The following DNAH2 variants were observed in gnomAD, a reference collection of about 807,000 sequenced individuals.
DNAH2 encodes the protein dynein axonemal heavy chain 2, also known as axonemal beta dynein heavy chain 2.
Under a neutral mutation model 523.5 loss-of-function variants are expected in DNAH2, and 323 were observed. That is an observed-to-expected ratio of 0.62 (90% CI 0.56 to 0.68). The LOEUF (loss-of-function observed/expected upper bound fraction) is 0.68, where lower values mean the gene tolerates loss of function less well. Ranked by LOEUF, DNAH2 falls within the 30% of genes least tolerant of loss-of-function variation. DNAH2 has a pLI of 0.00. For missense variants in DNAH2, 4,907 were observed against 5,701.5 expected (o/e 0.86, Z 4.49); for synonymous variants, 2,093 against 2,177.4 (o/e 0.96, Z 1.08).
rs963331480 is a variant in DNAH2, at chr17:7,827,629, A to G, written c.11854-2671A>G. 5.9e-5 allele frequency among the ~76,000 whole-genome samples: 9 copies of G among 151,958 alleles called. 1 individual carries two copies. The highest frequency in any genetic ancestry group is 2.2e-4 in the African/African-American group (9 of 41,260). On this transcript the variant is annotated intron_variant, in intron 77 of 85. Transcript: ENST00000572933. ...CCCAGCTAATTTTGTTATTTTTTGT[A>G]GAGACGGGGTTTCACCATGTTGACC...
chr17:7,750,288 G>C (rs1481398402), intron 12 of DNAH2, among the ~76,000 whole-genome samples: 1 of 152,122 alleles, frequency 6.6e-6, no homozygotes, highest in African/African-American at 2.4e-5. Flanking sequence ...GACATACTGG[G>C]TATTGGTTTC....
Position 7,823,371 on chromosome 17 carries a change from G to GAGAGA in DNAH2, c.11143-71_11143-70insAGAGA. 8 of 1,438,222 alleles carry GAGAGA rather than the reference G, an allele frequency of 5.6e-6. No individual in the cohort carries two copies. In the African/African-American group the frequency reaches 5.8e-5, roughly 10 times the overall value. The allele number at this position is 1,438,222 out of a possible 1,614,324, so 89.1% of individuals were successfully genotyped here. ...ACAGAGAGAGAGAGAGAGAGAGAGAGGAGAAAAAGATCACTCTTCTTTTGA... is the reference window on the plus strand; with the variant it reads ...ACAGAGAGAGAGAGAGAGAGAGAGAGAGAGAGAGAAAAAGATCACTCTTCTTTTGA... On this transcript the variant is annotated intron_variant, in intron 73 of 85. Transcript: ENST00000572933.
chr17:7,765,604 G>C (rs747619874), intron 21 of DNAH2, 39 bp downstream of exon 21: 2 of 1,578,960 alleles, frequency 1.3e-6, no homozygotes, highest in East Asian at 4.5e-5. Flanking sequence ...TTTAGCCTTT[G>C]TTTAGAGACC....
At chr17:7,804,126 T>G in intron 58 of DNAH2, 130 bp from the exon 59 acceptor site, 1 of 869,192 alleles carries the variant, frequency 1.2e-6, no homozygotes, top group Non-Finnish European at 1.8e-6. Context: ...CCGACCAGGA[T>G]GGTGGGGGTA....
chr17:7,774,797 G>T lies in DNAH2; in HGVS notation c.4540G>T (p.Glu1514Ter), dbSNP rs1350683174. 6.2e-7 allele frequency: 1 copy of T among 1,614,170 alleles called. No individual in the cohort carries two copies. The highest frequency in any genetic ancestry group is 1.7e-5 in the Admixed American group (1 of 60,022). ...DTLIEMNTIL[E>*]DIQKSLDMYL... ...ATTGATAGAAATGAATACAATCCTGGAAGATATTCAGAAATCTCTGGATAT... is the reference window on the plus strand; with the variant it reads ...ATTGATAGAAATGAATACAATCCTGTAAGATATTCAGAAATCTCTGGATAT... The change falls in exon 29 of 86, where the codon GAA becomes TAA. Residue 1514 changes from glutamate (E) to a stop codon, truncating the protein, a stop_gained. Transcript: ENST00000572933. LOFTEE classifies it high-confidence loss of function.
intron 12 of DNAH2, chr17:7,755,081 C>G (rs746680066): frequency 4.2e-6 from 1 of 236,610 alleles, no homozygotes; most frequent in Non-Finnish European, 8.1e-6. Flanking sequence ...TAAGTGCATA[C>G]GTTTTACAGC....
intron 2 of DNAH2, 103 bp downstream of exon 2, chr17:7,720,003 G>A (rs978578517): frequency 7.3e-7 from 1 of 1,377,342 alleles, no homozygotes; most frequent in Non-Finnish European, 9.5e-7. Flanking sequence ...TGTTGCTTCT[G>A]GGCAGGAAAC....
intron 12 of DNAH2, chr17:7,755,046 GGA>G (rs1411608204): frequency 1.6e-5 from 5 of 303,786 alleles, no homozygotes. Context: ...ATCATAAATG[GGA>G]GAAATTGTAG....
Position 7,770,789 on chromosome 17 carries a change from C to G in DNAH2, c.4218C>G (p.Asn1406Lys). Residue 1406 changes from asparagine to lysine, a missense_variant, in exon 27 of 86, where the codon AAC (asparagine) becomes AAG (lysine). Transcript: ENST00000572933. ...TEEVFQALED[N>K]QVALSTMKAS... ...AAGTATTCCAGGCACTGGAAGATAA[C>G]CAGGTAGCTCTGTCTACCATGAAGG... is the stretch of plus-strand genomic sequence containing the variant. 1.2e-6 allele frequency: 2 copies of G among 1,614,152 alleles called. No individual in the cohort carries two copies. The highest frequency in any genetic ancestry group is 1.7e-6 in the Non-Finnish European group (2 of 1,180,016).
In DNAH2 at chr17:7,829,030, A is replaced by ATT. The variant is rs527963401; in HGVS notation, c.11854-1258_11854-1257dup. The stretch of plus-strand genomic sequence containing the variant: ...GGCTCAAACATCCATTATTATTATT[A>ATT]TTTTTTTTTTTTTGAGACAGAGTCT... On this transcript the variant is annotated intron_variant, in intron 77 of 85. Transcript: ENST00000572933. Among the ~76,000 whole-genome samples, 426 of 143,160 alleles carry ATT rather than the reference A, an allele frequency of 3.0e-3. 5 individuals carry two copies. The highest frequency in any genetic ancestry group is 8.0e-3 in the African/African-American group (316 of 39,562). 93.9% of individuals were successfully genotyped at this position (143,160 alleles called of 152,430 possible).
intron 13 of DNAH2, 107 bp downstream of exon 13, chr17:7,757,344 C>T: frequency 7.3e-7 from 1 of 1,368,124 alleles, no homozygotes; most frequent in Non-Finnish European, 9.8e-7. Flanking sequence ...CTGTCCTCTA[C>T]ATCTTTTCCA....
chr17:7,810,747 G>A (rs1289977923), intron 63 of DNAH2, among the ~76,000 whole-genome samples: 2 of 152,144 alleles, frequency 1.3e-5, no homozygotes, highest in African/African-American at 4.8e-5. Flanking sequence ...GCCCTGCCAG[G>A]CCAATTAAGT....
chr17:7,772,410 G>A (rs983918997), intron 28 of DNAH2, among the ~76,000 whole-genome samples: 8 of 152,134 alleles, frequency 5.3e-5, no homozygotes, highest in Admixed American at 1.3e-4. Flanking sequence ...ATTATATTCC[G>A]TAACAATTTA....
Position 7,740,986 on chromosome 17 carries a change from C to A in DNAH2, c.1683C>A (p.Val561=). The A allele has an allele frequency of 6.3e-7, 1 of 1,599,014 alleles. No individual in the cohort carries two copies. The highest frequency in any genetic ancestry group is 1.1e-5 in the South Asian group (1 of 90,600). Reference sequence around the variant, plus strand: ...TCCTCCGGCGTCGCATCGACAGAGTCATGACCGTAAGTGCCTGGCCTTCTC... The same window carrying A: ...TCCTCCGGCGTCGCATCGACAGAGTAATGACCGTAAGTGCCTGGCCTTCTC... ...VHILRRRIDR[V]MTCLAGAHFL... is the part of the protein sequence containing the mutation. Residue 561 remains valine (V), a synonymous_variant, in exon 11 of 86, where the codon GTC becomes GTA. Transcript: ENST00000572933.
chr17:7,821,135 G>A lies in DNAH2; in HGVS notation c.11016-108G>A. The A allele has an allele frequency of 6.8e-7, 1 of 1,459,932 alleles. No individual in the cohort carries two copies. Among genetic ancestry groups the A allele is most frequent in the African/African-American group, 1.4e-5 (1 of 71,254 alleles). The allele number at this position is 1,459,932 out of a possible 1,614,324, so 90.4% of individuals were successfully genotyped here. A position where few individuals can be genotyped will look rare whatever the true frequency, so the allele number is the denominator to read the frequency against. ...TCCAGGAGGTTAGGATTAGAGGCTGGTGAGGTCCTCTGTGTGAAGCTGTGT... is the reference window on the plus strand; with the variant it reads ...TCCAGGAGGTTAGGATTAGAGGCTGATGAGGTCCTCTGTGTGAAGCTGTGT... On this transcript the variant is annotated intron_variant, in intron 72 of 85. Coordinates refer to ENST00000572933, the MANE Select transcript of DNAH2 (RefSeq NM_020877.5). The surrounding 1 kb of genome is among the most constrained non-coding windows in gnomAD (Gnocchi z 5.0).
chr17:7,799,946 GTACTCCA>G lies in DNAH2; in HGVS notation c.8699+708_8699+714del, dbSNP rs532009956. Among the ~76,000 whole-genome samples the G allele has an allele frequency of 2.3e-4, 35 of 152,308 alleles. No individual in the cohort carries two copies. The East Asian group carries it at 6.6e-3, about 29-fold the overall frequency. On this transcript the variant is annotated intron_variant, in intron 56 of 85. Coordinates refer to ENST00000572933, the MANE Select transcript of DNAH2 (RefSeq NM_020877.5). Reference sequence around the variant, plus strand: ...AGAGCTTTCTCATGCTCCCGAGGCCGTACTCCATACCCATGAAACCATTGCTCCCCAT... The same window carrying G: ...AGAGCTTTCTCATGCTCCCGAGGCCGTACCCATGAAACCATTGCTCCCCAT...
intron 12 of DNAH2, among the ~76,000 whole-genome samples, chr17:7,748,060 C>T (rs554146296): frequency 6.6e-6 from 1 of 152,338 alleles, no homozygotes; most frequent in South Asian, 2.1e-4. Context: ...GTCCTGGAGC[C>T]TTCCAGTCCC....
intron 7 of DNAH2, 58 bp from the exon 8 acceptor site, chr17:7,737,009 G>T (rs947219179): frequency 9.3e-6 from 13 of 1,399,310 alleles, no homozygotes; most frequent in Non-Finnish European, 1.3e-5. Flanking sequence ...AAAAGCACTT[G>T]TGTTGAATCA....
chr17:7,760,877 C>T lies in DNAH2; in HGVS notation c.2923C>T (p.His975Tyr), dbSNP rs1402976060. ...IWEINKDSFI[H>Y]RYQRLNPPVS... The stretch of plus-strand genomic sequence containing the variant: ...GGAGATCAACAAGGACTCCTTCATT[C>T]ATCGCTACCAGCGCCTCAACCCTCC... The change falls in exon 18 of 86, where the codon CAT becomes TAT. Residue 975 changes from histidine to tyrosine, a missense_variant. Physicochemically the swap from His to Tyr is moderately conservative, Grantham distance 83. Coordinates refer to ENST00000572933, the MANE Select transcript of DNAH2 (RefSeq NM_020877.5). This position sits in a 1 kb window ranked among gnomAD's most constrained non-coding sequence, Gnocchi z 4.0. 1 of 1,614,208 alleles carries T rather than the reference C, an allele frequency of 6.2e-7. No homozygotes were observed. Among genetic ancestry groups the T allele is most frequent in the East Asian group, 2.2e-5 (1 of 44,884 alleles).
Sources: gnomAD v4.1 joint callset for allele counts (sites outside exome capture counted in the v4.1 genomes callset) on GRCh38, gnomAD v4.1.1 for gene constraint, Gnocchi (gnomAD v3.1) non-coding constraint, MANE v1.5 for transcripts, NCBI Gene and HGNC (gene_info 2026-07-23, HGNC 2026-07-21) for gene names.